Variants in ADK observed in about 807,000 individuals in gnomAD.
The protein encoded by ADK is N6,N6-dimethyladenosine kinase.
ADK carries 24 observed loss-of-function variants against 44.7 expected under a neutral mutation model. The ratio of observed to expected loss-of-function variants is 0.54; its 90% CI spans 0.39 to 0.76. ADK has a LOEUF of 0.76. Ranked by LOEUF, ADK falls within the 30% of genes least tolerant of loss-of-function variation. The probability of loss-of-function intolerance (pLI) is 0.00; values close to 1 mark genes in which losing one functional copy is unlikely to be tolerated. For missense variants in ADK, 321 were observed against 425.1 expected (o/e 0.76, Z 2.15); for synonymous variants, 128 against 142.6 (o/e 0.90, Z 0.73).
chr10:74,276,277 G>C (rs1178206855), intron 3 of ADK, among the ~76,000 whole-genome samples: 3 of 152,088 alleles, frequency 2.0e-5, no homozygotes, highest in Non-Finnish European at 4.4e-5. Context: ...AGCACCTTTG[G>C]TTTGCACTGG....
intron 3 of ADK, among the ~76,000 whole-genome samples, chr10:74,274,339 A>T (rs973069099): frequency 3.3e-5 from 5 of 152,112 alleles, no homozygotes; most frequent in Non-Finnish European, 5.9e-5. Context: ...AGGTGGGTGG[A>T]TCACCTGAGG....
At position 74,484,348 on chromosome 10, in the gene ADK, G is replaced by C. The variant is rs143954568; in HGVS notation, c.556-40908G>C. On this transcript the variant is annotated intron_variant, in intron 6 of 10. Coordinates refer to ENST00000539909, the MANE Select transcript of ADK (RefSeq NM_006721.4). ...CACAAGAACAGCAAGAGGGATATCTGCCCCACTAGGCCCCTCTTCTAACAC... is the reference window on the plus strand; with the variant it reads ...CACAAGAACAGCAAGAGGGATATCTCCCCCACTAGGCCCCTCTTCTAACAC... Among the ~76,000 whole-genome samples, 121 of 152,232 alleles carry C rather than the reference G, an allele frequency of 7.9e-4. No individual in the cohort carries two copies. In the East Asian group the frequency reaches 0.022, roughly 28 times the overall value.
intron 1 of ADK, among the ~76,000 whole-genome samples, chr10:74,157,847 G>A (rs1018649910): frequency 6.6e-5 from 10 of 152,132 alleles, no homozygotes; most frequent in Admixed American, 1.3e-4. Flanking sequence ...AGCCGAGATC[G>A]TGCCATTGCA....
At chr10:74,219,079 G>T (rs1844181876) in intron 2 of ADK, among the ~76,000 whole-genome samples, 1 of 152,096 alleles carries the variant, frequency 6.6e-6, no homozygotes, top group Non-Finnish European at 1.5e-5. Context: ...CTGGCAAATT[G>T]GATAAAGAGT....
At chr10:74,237,234 G>A (rs1028047458) in intron 3 of ADK, among the ~76,000 whole-genome samples, 1 of 152,172 alleles carries the variant, frequency 6.6e-6, no homozygotes, top group African/African-American at 2.4e-5. Flanking sequence ...ATTCTTTGTT[G>A]TCATTTCAGC....
chr10:74,288,520 G>T (rs1377539514), intron 3 of ADK, among the ~76,000 whole-genome samples: 1 of 151,900 alleles, frequency 6.6e-6, no homozygotes, highest in Non-Finnish European at 1.5e-5. Context: ...CGTGGTGGCG[G>T]GCACCTATAA....
chr10:74,360,890 A>G (rs1842312667), intron 4 of ADK, among the ~76,000 whole-genome samples: 1 of 152,020 alleles, frequency 6.6e-6, no homozygotes, highest in Non-Finnish European at 1.5e-5. Flanking sequence ...TTTAAAATCC[A>G]TTCACCCACC....
At chr10:74,258,641 C>G (rs1373504380) in intron 3 of ADK, among the ~76,000 whole-genome samples, 1 of 151,808 alleles carries the variant, frequency 6.6e-6, no homozygotes, top group Non-Finnish European at 1.5e-5. Context: ...TTTTATTTAG[C>G]TGGGAAAAAA....
chr10:74,706,970 G>T (rs1472241624), intron 10 of ADK, among the ~76,000 whole-genome samples: 1 of 152,000 alleles, frequency 6.6e-6, no homozygotes, highest in Non-Finnish European at 1.5e-5. Context: ...TTATTCTAAG[G>T]TACTTCAAAT....
intron 4 of ADK, among the ~76,000 whole-genome samples, chr10:74,359,788 C>A (rs879590496): frequency 6.6e-6 from 1 of 152,064 alleles, no homozygotes; most frequent in Non-Finnish European, 1.5e-5. Flanking sequence ...CATGGGATGT[C>A]TTTTTTTCCT....
At chr10:74,594,896 G>T (rs574204851) in intron 8 of ADK, among the ~76,000 whole-genome samples, 15 of 152,008 alleles carry the variant, frequency 9.9e-5, no homozygotes, top group Non-Finnish European at 1.6e-4. Context: ...CTATATGGCC[G>T]GGTGTGGTGG....
chr10:74,382,370 A>G (rs1283870433), intron 4 of ADK, among the ~76,000 whole-genome samples: 3 of 152,146 alleles, frequency 2.0e-5, no homozygotes, highest in Non-Finnish European at 2.9e-5. Context: ...AAATGCTGGG[A>G]TTGCAGGTGT....
At chr10:74,542,315 G>A (rs183571811) in intron 7 of ADK, among the ~76,000 whole-genome samples, 1 of 152,298 alleles carries the variant, frequency 6.6e-6, no homozygotes, top group East Asian at 1.9e-4. Flanking sequence ...TGGAAACTAT[G>A]GAGATAATAA....
chr10:74,191,020 G>A (rs947083103), intron 1 of ADK, among the ~76,000 whole-genome samples: 9 of 140,428 alleles, frequency 6.4e-5, no homozygotes, highest in Middle Eastern at 4.0e-3. Context: ...TTGCATTGTC[G>A]CCCAGGCTGA....
At chr10:74,344,290 T>C (rs1052635682) in intron 4 of ADK, among the ~76,000 whole-genome samples, 1 of 152,214 alleles carries the variant, frequency 6.6e-6, no homozygotes, top group Non-Finnish European at 1.5e-5. Flanking sequence ...TTGCTTATTT[T>C]TCTAATCAGG....
intron 6 of ADK, among the ~76,000 whole-genome samples, chr10:74,424,906 A>G (rs142349192): frequency 0.013 from 1,923 of 152,234 alleles, 46 homozygotes; most frequent in African/African-American, 0.044. Context: ...TCATTCTCAT[A>G]TATACAATCC....
At chr10:74,550,752 A>G (rs1850005763) in intron 7 of ADK, among the ~76,000 whole-genome samples, 1 of 152,178 alleles carries the variant, frequency 6.6e-6, no homozygotes. Context: ...GCCTACCAGT[A>G]CTTGTAATTT....
chr10:74,286,594 G>A (rs1337407006), intron 3 of ADK, among the ~76,000 whole-genome samples: 1 of 152,160 alleles, frequency 6.6e-6, no homozygotes, highest in African/African-American at 2.4e-5. Flanking sequence ...ACGTTCTCTA[G>A]TATTGACAAC....
At position 74,481,775 on chromosome 10, in the gene ADK, C is replaced by T. The variant is rs1847083405; in HGVS notation, c.556-43481C>T. Among the ~76,000 whole-genome samples the T allele has an allele frequency of 2.6e-5, 4 of 152,082 alleles. No homozygotes were observed. In the South Asian group the frequency reaches 8.3e-4, roughly 32 times the overall value. On this transcript the variant is annotated intron_variant, in intron 6 of 10. Coordinates refer to ENST00000539909, the MANE Select transcript of ADK (RefSeq NM_006721.4). ...CATCTTCGAATATGGTATTTTCCTA[C>T]ATTAGCTATTTTACATGAGGTTTAA... is the stretch of plus-strand genomic sequence containing the variant.
Sources: gnomAD v4.1 joint callset for allele counts (sites outside exome capture counted in the v4.1 genomes callset) on GRCh38, gnomAD v4.1.1 for gene constraint, MANE v1.5 for transcripts, NCBI Gene and HGNC (gene_info 2026-07-23, HGNC 2026-07-21) for gene names.